AOPEP: variants seen among roughly 807,000 people sequenced by gnomAD.
AOPEP encodes the protein aminopeptidase O (putative).
In AOPEP, 77 loss-of-function variants were observed where a neutral mutation model predicts 98.1. The ratio of observed to expected loss-of-function variants is 0.78; its 90% CI spans 0.65 to 0.95. AOPEP has a LOEUF of 0.95. Ranked by LOEUF, AOPEP falls within the 40% of genes least tolerant of loss-of-function variation. The pLI is 0.00. For missense variants in AOPEP, 1,024 were observed against 1,024.7 expected, an observed-to-expected ratio of 1.00 and a Z score of 0.01; for synonymous variants, 346 against 365.3, an observed-to-expected ratio of 0.95 and a Z score of 0.60.
At chr9:95,016,718 T>G (rs2063031646) in intron 13 of AOPEP, among the ~76,000 whole-genome samples, 1 of 151,484 alleles carries the variant, frequency 6.6e-6, no homozygotes, top group Non-Finnish European at 1.5e-5. Context: ...ATTCAAGTGA[T>G]CCTCCTGCCT....
At chr9:95,041,446 G>GGGGGGTGT (rs1554813291) in intron 13 of AOPEP, among the ~76,000 whole-genome samples, 1 of 142,012 alleles carries the variant, frequency 7.0e-6, no homozygotes, top group African/African-American at 2.6e-5. Flanking sequence ...AGTCCTTGGG[G>GGGGGGTGT]GTGTGTGTGT....
the AOPEP span, chr9:95,101,460 G>C: frequency 1.8e-6 from 1 of 562,088 alleles, no homozygotes; most frequent in Non-Finnish European, 3.2e-6. Flanking sequence ...GGCCGGGCGG[G>C]CACCAGGAGT....
intron 2 of AOPEP, among the ~76,000 whole-genome samples, chr9:94,768,762 C>T (rs1213857869): frequency 1.3e-5 from 2 of 152,208 alleles, no homozygotes; most frequent in African/African-American, 4.8e-5. Flanking sequence ...AGGAGTCTTC[C>T]ATACAATTGG....
At chr9:94,776,785 A>C (rs560805666) in intron 3 of AOPEP, among the ~76,000 whole-genome samples, 1 of 152,196 alleles carries the variant, frequency 6.6e-6, no homozygotes, top group East Asian at 1.9e-4. Context: ...CATTTTCTCT[A>C]TAACTTTTTG....
chr9:94,874,396 C>T (rs986265623), intron 5 of AOPEP, among the ~76,000 whole-genome samples: 4 of 151,816 alleles, frequency 2.6e-5, no homozygotes, highest in Non-Finnish European at 5.9e-5. Flanking sequence ...ACAGGAAAAT[C>T]GAGTTATTTT....
At chr9:94,758,541 A>C (rs1201033987) in intron 1 of AOPEP, among the ~76,000 whole-genome samples, 1 of 152,168 alleles carries the variant, frequency 6.6e-6, no homozygotes, top group East Asian at 1.9e-4. Context: ...AGGAGTTAGG[A>C]TACAAAGGGA....
At chr9:94,953,479 T>G (rs2137910832) in intron 7 of AOPEP, among the ~76,000 whole-genome samples, 1 of 152,284 alleles carries the variant, frequency 6.6e-6, no homozygotes, top group Middle Eastern at 3.4e-3. Flanking sequence ...AAATGGAATA[T>G]TTTATTAAGT....
chr9:94,753,159 T>C (rs978109013), intron 1 of AOPEP, among the ~76,000 whole-genome samples: 5 of 152,104 alleles, frequency 3.3e-5, no homozygotes, highest in Admixed American at 2.6e-4. Flanking sequence ...TAGAATATAA[T>C]AAAATGGTTG....
intron 13 of AOPEP, among the ~76,000 whole-genome samples, chr9:95,043,373 C>T (rs1008007429): frequency 2.0e-5 from 3 of 151,816 alleles, no homozygotes; most frequent in Admixed American, 1.3e-4. Context: ...TTCTGTTACA[C>T]TGTAATAGCT....
intron 5 of AOPEP, among the ~76,000 whole-genome samples, chr9:94,918,987 C>G (rs1180195796): frequency 1.3e-5 from 2 of 151,890 alleles, no homozygotes; most frequent in Non-Finnish European, 2.9e-5. Context: ...GCAATCTCGG[C>G]TCACTGTAAC....
At chr9:95,085,995 T>G in intron 16 of AOPEP, 1 of 1,365,312 alleles carries the variant, frequency 7.3e-7, no homozygotes, top group African/African-American at 1.5e-5. Flanking sequence ...AGGCGCTGCT[T>G]CTCCGGGCTG....
intron 3 of AOPEP, among the ~76,000 whole-genome samples, chr9:94,779,078 G>A (rs972581945): frequency 2.0e-5 from 3 of 151,952 alleles, no homozygotes; most frequent in African/African-American, 7.3e-5. Flanking sequence ...TTAATTTTAG[G>A]TGTCAACTTG....
intron 3 of AOPEP, among the ~76,000 whole-genome samples, chr9:94,786,891 T>A (rs1221516063): frequency 6.6e-6 from 1 of 152,156 alleles, no homozygotes. Context: ...GATTTGACTG[T>A]CACTTGGTAG....
intron 5 of AOPEP, among the ~76,000 whole-genome samples, chr9:94,820,644 A>T (rs961524915): frequency 1.3e-5 from 2 of 152,254 alleles, no homozygotes; most frequent in Non-Finnish European, 2.9e-5. Flanking sequence ...TAGTCAGTGA[A>T]TCACAAAGAT....
At chr9:94,859,170 G>A (rs1399867356) in intron 5 of AOPEP, among the ~76,000 whole-genome samples, 1 of 152,154 alleles carries the variant, frequency 6.6e-6, no homozygotes, top group African/African-American at 2.4e-5. Context: ...ACCATGTGAG[G>A]ATGCAATGAG....
At chr9:95,101,814 C>T in the AOPEP span, 8 of 1,614,026 alleles carry the variant, frequency 5.0e-6, no homozygotes, top group South Asian at 8.8e-5. Context: ...TCAAGAAAGC[C>T]AATGATCTCG....
chr9:94,998,019 A>G lies in AOPEP; in HGVS notation c.1978-7139A>G, dbSNP rs573799380. Reference sequence around the variant, plus strand: ...CAGCTGAAAACTCTTTAAGGTTATAATGTCCATGAATATCAAGCCCTGTAA... The same window carrying G: ...CAGCTGAAAACTCTTTAAGGTTATAGTGTCCATGAATATCAAGCCCTGTAA... On this transcript the variant is annotated intron_variant, in intron 11 of 16. Coordinates refer to ENST00000375315, the MANE Select transcript of AOPEP (RefSeq NM_001193329.3). Among the ~76,000 whole-genome samples the G allele has an allele frequency of 2.0e-5, 3 of 152,164 alleles. No homozygotes were observed. In the South Asian group the frequency reaches 6.2e-4, roughly 32 times the overall value.
chr9:94,794,585 G>T lies in AOPEP; in HGVS notation c.1118+1667G>T, dbSNP rs138149867. 4.6e-5 allele frequency among the ~76,000 whole-genome samples: 7 copies of T among 152,224 alleles called. No homozygotes were observed. The East Asian group carries it at 1.4e-3, about 29-fold the overall frequency. On this transcript the variant is annotated intron_variant, in intron 4 of 16. Coordinates refer to ENST00000375315, the MANE Select transcript of AOPEP (RefSeq NM_001193329.3). The stretch of plus-strand genomic sequence containing the variant: ...TGCATTTTTCCTTTTTTGGCAGAAG[G>T]GAGGTAATTTCCACTTCCTGTTCAG...
chr9:94,885,564 G>A (rs1350165547), intron 5 of AOPEP, among the ~76,000 whole-genome samples: 1 of 152,004 alleles, frequency 6.6e-6, no homozygotes, highest in East Asian at 1.9e-4. Flanking sequence ...TCCTCAGCTA[G>A]AACTCACATG....
Sources: gnomAD v4.1 joint callset for allele counts (sites outside exome capture counted in the v4.1 genomes callset) on GRCh38, gnomAD v4.1.1 for gene constraint, MANE v1.5 for transcripts, NCBI Gene and HGNC (gene_info 2026-07-23, HGNC 2026-07-21) for gene names.